The following PCDHB15 variants were observed in gnomAD, a reference collection of about 807,000 sequenced individuals.
PCDHB15 encodes protocadherin beta-15.
For synonymous variants in PCDHB15, 492 were observed against 447.9 expected (o/e 1.10, Z -1.24); for missense variants, 1,032 against 991.7 (o/e 1.04, Z -0.55).
At position 141,247,805 on chromosome 5, in the gene PCDHB15, G is replaced by A. The variant is rs1755319518; in HGVS notation, c.2227G>A (p.Gly743Arg). The change falls in exon 1 of 1, where the codon GGG becomes AGG. Residue 743 changes from glycine to arginine, a missense_variant. Coordinates refer to ENST00000231173, the MANE Select transcript of PCDHB15 (RefSeq NM_018935.4). The stretch of plus-strand genomic sequence containing the variant: ...GCATCTGGTGGACGTGAGCGGCACC[G>A]GGACCCTTTCCCAGAGCTACCAGTA... ...PGHLVDVSGT[G>R]TLSQSYQYEV... 6.2e-7 allele frequency: 1 copy of A among 1,614,210 alleles called. No individual in the cohort carries two copies. The highest frequency in any genetic ancestry group is 8.5e-7 in the Non-Finnish European group (1 of 1,180,044).
chr5:141,247,793 G>A lies in PCDHB15; in HGVS notation c.2215G>A (p.Val739Met). 2 of 1,614,212 alleles carry A rather than the reference G, an allele frequency of 1.2e-6. No homozygotes were observed. The highest frequency in any genetic ancestry group is 1.6e-4 in the Middle Eastern group (1 of 6,062). Residue 739 changes from valine to methionine, a missense_variant, in exon 1 of 1, where the codon GTG becomes ATG. Transcript: ENST00000231173. ...CCCCTTTCCAGGGCATCTGGTGGAC[G>A]TGAGCGGCACCGGGACCCTTTCCCA... Reference protein sequence around the residue: ...EGPFPGHLVDVSGTGTLSQSY... With the variant: ...EGPFPGHLVDMSGTGTLSQSY...
chr5:141,247,194 C>T lies in PCDHB15; in HGVS notation c.1616C>T (p.Pro539Leu), dbSNP rs782417963. ...FRVGATDRGF[P>L]ALSSEALVRV... is the part of the protein sequence containing the mutation. ...GTGGGCGCCACAGACCGCGGCTTCC[C>T]GGCGCTGAGCAGCGAGGCGCTGGTG... Residue 539 changes from proline to leucine, a missense_variant, in exon 1 of 1, where the codon CCG (proline) becomes CTG (leucine). Coordinates refer to ENST00000231173, the MANE Select transcript of PCDHB15 (RefSeq NM_018935.4). 168 of 1,612,634 alleles carry T rather than the reference C, an allele frequency of 1.0e-4. No individual in the cohort carries two copies. Among genetic ancestry groups the T allele is most frequent in the South Asian group, 1.8e-4 (16 of 91,012 alleles).
Position 141,246,755 on chromosome 5 carries a change from C to A in PCDHB15, c.1177C>A (p.Leu393Ile). 1 of 1,614,154 alleles carries A rather than the reference C, an allele frequency of 6.2e-7. No homozygotes were observed. The highest frequency in any genetic ancestry group is 8.5e-7 in the Non-Finnish European group (1 of 1,180,036). The change falls in exon 1 of 1, where the codon CTA (leucine) becomes ATA (isoleucine). Residue 393 changes from leucine (L) to isoleucine (I), a missense_variant. Physicochemically the swap from Leu to Ile is conservative, Grantham distance 5 (BLOSUM62 2). Coordinates refer to ENST00000231173, the MANE Select transcript of PCDHB15 (RefSeq NM_018935.4). Reference sequence around the variant, plus strand: ...AATTCAGGATGATGTTCCTTTTAAGCTAAAACCTTCTGTTGAGAATTTCTA... The same window carrying A: ...AATTCAGGATGATGTTCCTTTTAAGATAAAACCTTCTGTTGAGAATTTCTA... ...CSIQDDVPFK[L>I]KPSVENFYRL...
rs781991333 is a variant in PCDHB15 at position 141,246,602 on chromosome 5, G to C, written c.1024G>C (p.Asp342His). Residue 342 changes from aspartate (D) to histidine (H), a missense_variant, in exon 1 of 1, where the codon GAT becomes CAT. Coordinates refer to ENST00000231173, the MANE Select transcript of PCDHB15 (RefSeq NM_018935.4). The stretch of plus-strand genomic sequence containing the variant: ...CTCTGTTAAGGTGCTGGATGTTAAC[G>C]ATAACTTCCCGGAACTAAGTATTTC... The part of the protein sequence containing the change: ...SVSVKVLDVN[D>H]NFPELSISSL... The C allele has an allele frequency of 1.9e-6, 3 of 1,614,118 alleles. No homozygotes were observed. Among genetic ancestry groups the C allele is most frequent in the Admixed American group, 1.7e-5 (1 of 60,018 alleles).
Position 141,246,497 on chromosome 5 carries a change from CTA to C in PCDHB15, c.920_921del (p.Leu307ArgfsTer3). 2 of 1,614,180 alleles carry C rather than the reference CTA, an allele frequency of 1.2e-6. No individual in the cohort carries two copies. Among genetic ancestry groups the C allele is most frequent in the Non-Finnish European group, 1.7e-6 (2 of 1,180,024 alleles). On this transcript the variant is annotated frameshift_variant, in exon 1 of 1. Transcript: ENST00000231173. LOFTEE classifies it low-confidence loss of function (END_TRUNC). ...AGGAGAAATTCGACTAATTAAAAAA[CTA>C]GATTTTGAGACAATGTCTTCGTATG... is the stretch of plus-strand genomic sequence containing the variant. ...LSGEIRLIKK[L>X]DFETMSSYDL...
At position 141,246,513 on chromosome 5, in the gene PCDHB15, T is replaced by C. The variant is rs782191076; in HGVS notation, c.935T>C (p.Met312Thr). ...RLIKKLDFET[M>T]SSYDLDIEAS... ...ATTAAAAAACTAGATTTTGAGACAATGTCTTCGTATGATCTAGATATAGAG... is the reference window on the plus strand; with the variant it reads ...ATTAAAAAACTAGATTTTGAGACAACGTCTTCGTATGATCTAGATATAGAG... Residue 312 changes from methionine to threonine, a missense_variant, in exon 1 of 1, where the codon ATG becomes ACG. Met to Thr is a moderately conservative substitution (Grantham distance 81). Coordinates refer to ENST00000231173, the MANE Select transcript of PCDHB15 (RefSeq NM_018935.4). 4 of 1,614,122 alleles carry C rather than the reference T, an allele frequency of 2.5e-6. No homozygotes were observed. The South Asian group carries it at 4.4e-5, about 18-fold the overall frequency.
rs1173480365 is a variant in PCDHB15 at position 141,248,334 on chromosome 5, T to G, written c.*392T>G. On this transcript the variant is annotated 3_prime_UTR_variant, in exon 1 of 1. Coordinates refer to ENST00000231173, the MANE Select transcript of PCDHB15 (RefSeq NM_018935.4). ...TTTTCTTATTCACACAGCTTGACTT[T>G]TTGACAAAAGTTTGGGGTGTAATCA... The G allele has an allele frequency of 6.0e-6, 1 of 165,796 alleles. No homozygotes were observed. Among genetic ancestry groups the G allele is most frequent in the African/African-American group, 2.4e-5 (1 of 41,486 alleles). 10.3% of individuals were successfully genotyped at this position (165,796 alleles called of 1,614,324 possible). A position where few individuals can be genotyped will look rare whatever the true frequency, so the allele number is the denominator to read the frequency against.
rs1554291995 is a variant in PCDHB15, at chr5:141,246,710, A to G, written c.1132A>G (p.Asn378Asp). The G allele has an allele frequency of 6.2e-7, 1 of 1,614,038 alleles. No homozygotes were observed. Among genetic ancestry groups the G allele is most frequent in the African/African-American group, 1.3e-5 (1 of 74,910 alleles). Residue 378 changes from asparagine (N) to aspartate (D), a missense_variant, in exon 1 of 1, where the codon AAT (asparagine) becomes GAT (aspartate). By Grantham distance (23) the Asn-to-Asp change is conservative. Coordinates refer to ENST00000231173, the MANE Select transcript of PCDHB15 (RefSeq NM_018935.4). ...GATTAGAGACCGAGACTCTGGGGAA[A>G]ATGGAAAAATGATTTGCTCAATTCA... Reference protein sequence around the residue: ...FRIRDRDSGENGKMICSIQDD... With the variant: ...FRIRDRDSGEDGKMICSIQDD...
Position 141,246,798 on chromosome 5 carries a change from G to A in PCDHB15, c.1220G>A (p.Gly407Glu), listed in dbSNP as rs375718228. 6.2e-7 allele frequency: 1 copy of A among 1,614,080 alleles called. No individual in the cohort carries two copies. Among genetic ancestry groups the A allele is most frequent in the Non-Finnish European group, 8.5e-7 (1 of 1,179,986 alleles). The part of the protein sequence containing the change: ...VENFYRLVTE[G>E]ALDRETRAEY... Reference sequence around the variant, plus strand: ...AATTTCTACAGGCTGGTAACAGAAGGGGCGCTGGACAGAGAGACCAGAGCC... The same window carrying A: ...AATTTCTACAGGCTGGTAACAGAAGAGGCGCTGGACAGAGAGACCAGAGCC... Residue 407 changes from glycine to glutamate, a missense_variant, in exon 1 of 1, where the codon GGG becomes GAG. Physicochemically the swap from Gly to Glu is moderately conservative, Grantham distance 98. Transcript: ENST00000231173.
At position 141,246,299 on chromosome 5, in the gene PCDHB15, G is replaced by C; in HGVS notation, c.721G>C (p.Glu241Gln). 2 of 1,614,130 alleles carry C rather than the reference G, an allele frequency of 1.2e-6. No homozygotes were observed. The highest frequency in any genetic ancestry group is 1.7e-6 in the Non-Finnish European group (2 of 1,180,012). ...CTTGGACGCCAATGACAATGCCCCG[G>C]AGTTTGTGCAGGCGCTCTACGAGGT... The part of the protein sequence containing the change: ...LVLDANDNAP[E>Q]FVQALYEVQV... The change falls in exon 1 of 1, where the codon GAG becomes CAG. Residue 241 changes from glutamate to glutamine, a missense_variant. Glu to Gln is a conservative substitution (Grantham distance 29). Coordinates refer to ENST00000231173, the MANE Select transcript of PCDHB15 (RefSeq NM_018935.4).
Position 141,247,555 on chromosome 5 carries a change from A to T in PCDHB15, c.1977A>T (p.Gln659His), listed in dbSNP as rs146933408. Residue 659 changes from glutamine to histidine, a missense_variant, in exon 1 of 1, where the codon CAA (glutamine) becomes CAT (histidine). Transcript: ENST00000231173. ...CGCGCTCGGCCACCGCCACGCTGCA[A>T]GTGCTCCTGGTGGACGGCTTCTCTC... ...EPPRSATATL[Q>H]VLLVDGFSQP... 2.2e-4 allele frequency: 350 copies of T among 1,609,220 alleles called. 1 individual carries two copies. The African/African-American group carries it at 3.5e-3, about 16-fold the overall frequency.
In PCDHB15 at chr5:141,248,426, G is replaced by A. The variant is rs1755332306; in HGVS notation, c.*484G>A. 1 of 154,190 alleles carries A rather than the reference G, an allele frequency of 6.5e-6. No individual in the cohort carries two copies. 9.6% of individuals were successfully genotyped at this position (154,190 alleles called of 1,614,324 possible). A position where few individuals can be genotyped will look rare whatever the true frequency, so the allele number is the denominator to read the frequency against. ...TTGGAGTTTTGTTTTTTCCAATAAGGAGCAACATGGATAAGTTTAAGCTAC... is the reference window on the plus strand; with the variant it reads ...TTGGAGTTTTGTTTTTTCCAATAAGAAGCAACATGGATAAGTTTAAGCTAC... On this transcript the variant is annotated 3_prime_UTR_variant, in exon 1 of 1. Transcript: ENST00000231173.
Position 141,246,152 on chromosome 5 carries a change from C to A in PCDHB15, c.574C>A (p.Pro192Thr). The change falls in exon 1 of 1, where the codon CCA becomes ACA. Residue 192 changes from proline to threonine, a missense_variant. Transcript: ENST00000231173. ...TRTRGDGRKY[P>T]ELVLDTELDR... The stretch of plus-strand genomic sequence containing the variant: ...CACCCGAGGGGATGGCAGGAAATAC[C>A]CAGAGCTGGTGCTGGACACAGAACT... 6.2e-7 allele frequency: 1 copy of A among 1,614,144 alleles called. No individual in the cohort carries two copies. Among genetic ancestry groups the A allele is most frequent in the Non-Finnish European group, 8.5e-7 (1 of 1,180,034 alleles).
chr5:141,247,892 C>G lies in PCDHB15; in HGVS notation c.2314C>G (p.Pro772Ala), dbSNP rs782645357. The G allele has an allele frequency of 5.6e-6, 9 of 1,613,956 alleles. No homozygotes were observed. In the Admixed American group the frequency reaches 1.5e-4, roughly 27 times the overall value. ...NDFKFLKPIF[P>A]NIVSQDSRRK... ...TTTCAAGTTCTTGAAGCCTATATTCCCAAATATTGTAAGCCAGGACTCTAG... is the reference window on the plus strand; with the variant it reads ...TTTCAAGTTCTTGAAGCCTATATTCGCAAATATTGTAAGCCAGGACTCTAG... Residue 772 changes from proline (P) to alanine (A), a missense_variant, in exon 1 of 1, where the codon CCA becomes GCA. Transcript: ENST00000231173.
chr5:141,247,742 G>A lies in PCDHB15; in HGVS notation c.2164G>A (p.Val722Met), dbSNP rs1329148717. ...RLCRRSRAAS[V>M]GRCSVPEGPF... ...GTGCAGGAGGAGCAGGGCGGCCTCA[G>A]TGGGTCGCTGCTCGGTGCCCGAGGG... Residue 722 changes from valine to methionine, a missense_variant, in exon 1 of 1, where the codon GTG (valine) becomes ATG (methionine). Transcript: ENST00000231173. The A allele has an allele frequency of 4.3e-6, 7 of 1,613,926 alleles. No homozygotes were observed. The highest frequency in any genetic ancestry group is 2.2e-5 in the East Asian group (1 of 44,890).
rs1554292309 is a variant in PCDHB15 at position 141,247,707 on chromosome 5, C to T, written c.2129C>T (p.Ala710Val). ...LFLFSVFLFV[A>V]VRLCRRSRAA... ...CTCTTCTCGGTGTTCCTGTTCGTGG[C>T]AGTGCGGCTGTGCAGGAGGAGCAGG... is the stretch of plus-strand genomic sequence containing the variant. Residue 710 changes from alanine (A) to valine (V), a missense_variant, in exon 1 of 1, where the codon GCA becomes GTA. Coordinates refer to ENST00000231173, the MANE Select transcript of PCDHB15 (RefSeq NM_018935.4). The T allele has an allele frequency of 6.2e-7, 1 of 1,612,730 alleles. No individual in the cohort carries two copies. The highest frequency in any genetic ancestry group is 1.7e-5 in the Admixed American group (1 of 60,018).
Position 141,246,092 on chromosome 5 carries a change from AT to A in PCDHB15, c.517del (p.Ser173LeufsTer38), listed in dbSNP as rs782224887. 4 of 1,614,030 alleles carry A rather than the reference AT, an allele frequency of 2.5e-6. No homozygotes were observed. The South Asian group carries it at 4.4e-5, about 18-fold the overall frequency. The stretch of plus-strand genomic sequence containing the variant: ...CAGCAATAATGTTCAAAACTACAAT[AT>A]TTCTCCCAATTCTCATTTCCATGTT... Reference protein sequence around the residue: ...VGSNNVQNYNISPNSHFHVST... With the variant: ...VGSNNVQNYNXSPNSHFHVST... On this transcript the variant is annotated frameshift_variant, in exon 1 of 1. Coordinates refer to ENST00000231173, the MANE Select transcript of PCDHB15 (RefSeq NM_018935.4). LOFTEE classifies it low-confidence loss of function (END_TRUNC).
In PCDHB15 at chr5:141,246,819, G is replaced by C. The variant is rs549320928; in HGVS notation, c.1241G>C (p.Arg414Thr). Residue 414 changes from arginine to threonine, a missense_variant, in exon 1 of 1, where the codon AGA (arginine) becomes ACA (threonine). By Grantham distance (71) the Arg-to-Thr change is moderately conservative. Coordinates refer to ENST00000231173, the MANE Select transcript of PCDHB15 (RefSeq NM_018935.4). The stretch of plus-strand genomic sequence containing the variant: ...GAAGGGGCGCTGGACAGAGAGACCA[G>C]AGCCGAGTACAACATCACCATCACC... The part of the protein sequence containing the change: ...VTEGALDRET[R>T]AEYNITITIT... 6.2e-7 allele frequency: 1 copy of C among 1,614,172 alleles called. No homozygotes were observed. The highest frequency in any genetic ancestry group is 8.5e-7 in the Non-Finnish European group (1 of 1,180,034).
chr5:141,246,775 T>C lies in PCDHB15; in HGVS notation c.1197T>C (p.Asn399=). The C allele has an allele frequency of 3.1e-6, 5 of 1,614,036 alleles. No homozygotes were observed. Among genetic ancestry groups the C allele is most frequent in the Non-Finnish European group, 4.2e-6 (5 of 1,179,970 alleles). ...VPFKLKPSVE[N]FYRLVTEGAL... is the part of the protein sequence containing the mutation. ...TTAAGCTAAAACCTTCTGTTGAGAA[T>C]TTCTACAGGCTGGTAACAGAAGGGG... is the stretch of plus-strand genomic sequence containing the variant. Residue 399 remains asparagine (N), a synonymous_variant, in exon 1 of 1, where the codon AAT becomes AAC. Coordinates refer to ENST00000231173, the MANE Select transcript of PCDHB15 (RefSeq NM_018935.4).
Sources: allele counts gnomAD v4.1 joint callset, GRCh38; gene constraint gnomAD v4.1.1; transcripts MANE v1.5; gene names NCBI Gene and HGNC (gene_info 2026-07-23, HGNC 2026-07-21).